UBR3: variants seen among roughly 807,000 people sequenced by gnomAD.
The protein encoded by UBR3 is E3 ubiquitin-protein ligase UBR3.
A neutral mutation model predicts 243.2 loss-of-function variants in UBR3; 85 were observed. The ratio of observed to expected loss-of-function variants is 0.35; its 90% CI spans 0.29 to 0.42. The LOEUF (loss-of-function observed/expected upper bound fraction) is 0.42. Ranked by LOEUF, UBR3 falls within the 10% of genes least tolerant of loss-of-function variation. UBR3 has a pLI of 1.00. For synonymous variants in UBR3, 748 were observed against 799.8 expected (o/e 0.94, Z 1.09); for missense variants, 1,686 against 2,300.8 (o/e 0.73, Z 5.47).
chr2:169,883,783 A>T (rs574125668), intron 5 of UBR3, among the ~76,000 whole-genome samples: 1 of 152,238 alleles, frequency 6.6e-6, no homozygotes, highest in Non-Finnish European at 1.5e-5. Flanking sequence ...CCTTAAGTAT[A>T]GTAGTTACTA....
intron 16 of UBR3, 95 bp downstream of exon 16, chr2:169,927,066 G>A (rs1175819001): frequency 8.7e-6 from 12 of 1,376,050 alleles, no homozygotes; most frequent in Non-Finnish European, 1.2e-5. Flanking sequence ...AAAAAGGAAA[G>A]GATGTAGATA....
chr2:170,067,205 C>G lies in UBR3; in HGVS notation c.5019+5762C>G, dbSNP rs114140694. Among the ~76,000 whole-genome samples, 361 of 152,182 alleles carry G rather than the reference C, an allele frequency of 2.4e-3. 2 individuals carry two copies. Among genetic ancestry groups the G allele is most frequent in the African/African-American group, 8.4e-3 (351 of 41,540 alleles). On this transcript the variant is annotated intron_variant, in intron 35 of 38. Coordinates refer to ENST00000272793, the MANE Select transcript of UBR3 (RefSeq NM_172070.4). ...CCACACAAAACATTTTTTGAGTTTCCTATCATAAGCTGGAAAAATGTTGCT... is the reference window on the plus strand; with the variant it reads ...CCACACAAAACATTTTTTGAGTTTCGTATCATAAGCTGGAAAAATGTTGCT...
At position 169,877,518 on chromosome 2, in the gene UBR3, A is replaced by G; in HGVS notation, c.869A>G (p.Lys290Arg). The change falls in exon 4 of 39, where the codon AAG becomes AGG. Residue 290 changes from lysine (K) to arginine (R), a missense_variant. Transcript: ENST00000272793. The part of the protein sequence containing the change: ...TSGLGENACV[K>R]KSHEKYLIAL... ...GGTCTTGGAGAAAATGCTTGTGTAA[A>G]GAAAAGTCATGAAAAGTACCTTATA... The G allele has an allele frequency of 2.0e-6, 3 of 1,532,584 alleles. No homozygotes were observed. Among genetic ancestry groups the G allele is most frequent in the Non-Finnish European group, 2.6e-6 (3 of 1,142,906 alleles). 94.9% of individuals were successfully genotyped at this position (1,532,584 alleles called of 1,614,324 possible).
intron 30 of UBR3, among the ~76,000 whole-genome samples, chr2:170,025,149 T>C (rs2090494637): frequency 6.6e-6 from 1 of 152,186 alleles, no homozygotes; most frequent in Non-Finnish European, 1.5e-5. Context: ...TCCTATTATA[T>C]GTCAAGCAGT....
At chr2:169,877,352 T>C in intron 3 of UBR3, 142 bp from the exon 4 acceptor site, 1 of 674,618 alleles carries the variant, frequency 1.5e-6, no homozygotes, top group Non-Finnish European at 2.3e-6. Context: ...AAAAGTGTTA[T>C]TTGAAGCTAT....
intron 25 of UBR3, among the ~76,000 whole-genome samples, chr2:169,988,596 G>A (rs1230107011): frequency 6.6e-6 from 1 of 151,890 alleles, no homozygotes; most frequent in Non-Finnish European, 1.5e-5. Flanking sequence ...CTTGAGTCTA[G>A]GAGTTCAAGA....
At chr2:169,965,388 T>C (rs2087759854) in intron 24 of UBR3, among the ~76,000 whole-genome samples, 1 of 152,174 alleles carries the variant, frequency 6.6e-6, no homozygotes, top group South Asian at 2.1e-4. Flanking sequence ...TATCTCCTTA[T>C]CACTGGGGAT....
intron 30 of UBR3, among the ~76,000 whole-genome samples, chr2:170,020,398 T>C (rs1023399512): frequency 5.9e-5 from 9 of 152,220 alleles, no homozygotes; most frequent in Non-Finnish European, 1.2e-4. Context: ...AGCAAGTTGG[T>C]ATGTATTTAG....
At chr2:169,836,062 TATATA>T (rs1230866729) in intron 1 of UBR3, among the ~76,000 whole-genome samples, 917 of 54,812 alleles carry the variant, frequency 0.017, 79 homozygotes, top group East Asian at 0.024. Flanking sequence ...TATATATATA[TATATA>T]TTTTTTTTTT....
intron 24 of UBR3, among the ~76,000 whole-genome samples, chr2:169,985,574 A>G (rs1344059026): frequency 2.6e-5 from 4 of 151,850 alleles, no homozygotes; most frequent in Non-Finnish European, 5.9e-5. Flanking sequence ...TTCTTTTGAA[A>G]TCTTCTTTTC....
intron 4 of UBR3, 25 bp downstream of exon 4, chr2:169,877,662 C>G: frequency 6.6e-7 from 1 of 1,524,148 alleles, no homozygotes; most frequent in Non-Finnish European, 8.8e-7. Context: ...TTAATTTGAA[C>G]AGTTGTAACT....
intron 24 of UBR3, among the ~76,000 whole-genome samples, chr2:169,978,601 G>GTGGTTACC (rs1428112976): frequency 1.3e-5 from 2 of 152,080 alleles, no homozygotes; most frequent in Non-Finnish European, 2.9e-5. Context: ...GTACTGTGTA[G>GTGGTTACC]TGGTTACCTT....
intron 32 of UBR3, among the ~76,000 whole-genome samples, chr2:170,054,443 G>A (rs188022060): frequency 1.1e-4 from 17 of 152,154 alleles, no homozygotes; most frequent in African/African-American, 3.6e-4. Context: ...CACCATGCCT[G>A]GCTTATTTTT....
chr2:170,011,553 TTG>T (rs1175367125), intron 29 of UBR3, among the ~76,000 whole-genome samples: 1 of 152,050 alleles, frequency 6.6e-6, no homozygotes, highest in Non-Finnish European at 1.5e-5. Flanking sequence ...ATAAGTAATT[TTG>T]TTTGCTCTTC....
chr2:169,891,175 A>G lies in UBR3; in HGVS notation c.1049A>G (p.Asp350Gly). 1.9e-6 allele frequency: 3 copies of G among 1,549,706 alleles called. No homozygotes were observed. The highest frequency in any genetic ancestry group is 2.6e-6 in the Non-Finnish European group (3 of 1,145,610). Reference protein sequence around the residue: ...QVDSSDEDDQDGSQGLGKRKR... With the variant: ...QVDSSDEDDQGGSQGLGKRKR... ...ATTATTTTCCTTCAGGATGATCAGG[A>G]TGGTAGTCAAGGTCTGGGCAAGAGA... Residue 350 changes from aspartate (D) to glycine (G), a missense_variant, in exon 6 of 39, where the codon GAT (aspartate) becomes GGT (glycine). Physicochemically the swap from Asp to Gly is moderately conservative, Grantham distance 94. Transcript: ENST00000272793.
intron 36 of UBR3, among the ~76,000 whole-genome samples, chr2:170,075,992 GGAA>G (rs1372208213): frequency 1.3e-5 from 2 of 151,692 alleles, no homozygotes; most frequent in African/African-American, 4.8e-5. Flanking sequence ...TCATCGCTTG[GGAA>G]GAAGAGAAAC....
chr2:169,859,087 T>G (rs1181123622), intron 1 of UBR3, among the ~76,000 whole-genome samples: 1 of 142,484 alleles, frequency 7.0e-6, no homozygotes, highest in Admixed American at 6.9e-5. Context: ...ATGGCTTTTT[T>G]TTTTTTTTTT....
At chr2:169,896,439 A>T (rs553182675) in intron 7 of UBR3, 68 bp from the exon 8 acceptor site, 1 of 1,025,670 alleles carries the variant, frequency 9.7e-7, no homozygotes, top group South Asian at 2.1e-5. Context: ...AACATGATAT[A>T]TTGAAAATGA....
At chr2:170,045,490 A>C (rs756826070) in intron 32 of UBR3, among the ~76,000 whole-genome samples, 6 of 152,160 alleles carry the variant, frequency 3.9e-5, no homozygotes, top group Non-Finnish European at 7.4e-5. Context: ...ACAGACTCCC[A>C]AGATTCTATA....
Sources: gnomAD v4.1 joint callset for allele counts (sites outside exome capture counted in the v4.1 genomes callset) on GRCh38, gnomAD v4.1.1 for gene constraint, MANE v1.5 for transcripts, NCBI Gene and HGNC (gene_info 2026-07-23, HGNC 2026-07-21) for gene names.